CNTNAP2: variants seen among roughly 807,000 people sequenced by gnomAD.
CNTNAP2 encodes contactin associated protein 2, also known as contactin-associated protein-like 2.
CNTNAP2 carries 98 observed loss-of-function variants against 155.2 expected under a neutral mutation model. The ratio of observed to expected loss-of-function variants is 0.63; its 90% CI spans 0.54 to 0.75. The LOEUF (loss-of-function observed/expected upper bound fraction) is 0.75, where lower values mean the gene tolerates loss of function less well. Among genes scored for constraint, CNTNAP2 ranks in the 30% least tolerant of loss-of-function variants. The pLI, the probability that CNTNAP2 is intolerant of heterozygous loss-of-function variation, is 0.00. For missense variants in CNTNAP2, 1,727 were observed against 1,688.1 expected (o/e 1.02, Z -0.40); for synonymous variants, 651 against 631.2 (o/e 1.03, Z -0.47).
intron 13 of CNTNAP2, among the ~76,000 whole-genome samples, chr7:147,868,995 C>T (rs1192571549): frequency 6.6e-6 from 1 of 152,206 alleles, no homozygotes; most frequent in Non-Finnish European, 1.5e-5. Flanking sequence ...CCAATCAGTC[C>T]CAGTGCGATG....
chr7:146,398,439 T>C (rs1178017739), intron 1 of CNTNAP2, among the ~76,000 whole-genome samples: 1 of 152,052 alleles, frequency 6.6e-6, no homozygotes, highest in East Asian at 1.9e-4. Context: ...ATCATGCGAA[T>C]AGCGTGGAGG....
intron 15 of CNTNAP2, among the ~76,000 whole-genome samples, chr7:148,052,363 G>A (rs1477066922): frequency 2.2e-4 from 30 of 139,406 alleles, no homozygotes; most frequent in South Asian, 4.6e-4. Flanking sequence ...CCAGGTGATG[G>A]AAAAAAAAAA....
chr7:147,586,563 GA>G (rs1800629077), intron 12 of CNTNAP2, among the ~76,000 whole-genome samples: 1 of 43,804 alleles, frequency 2.3e-5, no homozygotes, highest in Non-Finnish European at 4.3e-5. Flanking sequence ...GGGAGGGAGG[GA>G]GGGAGGGAGG....
At chr7:146,776,795 C>A (rs1036267808) in intron 2 of CNTNAP2, among the ~76,000 whole-genome samples, 2 of 151,998 alleles carry the variant, frequency 1.3e-5, no homozygotes, top group African/African-American at 4.8e-5. Context: ...ATACAAGATA[C>A]CACTTTACAC....
chr7:147,404,046 G>A (rs1796962282), intron 10 of CNTNAP2, among the ~76,000 whole-genome samples: 1 of 151,926 alleles, frequency 6.6e-6, no homozygotes, highest in Non-Finnish European at 1.5e-5. Flanking sequence ...TCTTACTTTG[G>A]GAAATATTTT....
At chr7:147,012,315 G>T (rs1408134762) in intron 3 of CNTNAP2, among the ~76,000 whole-genome samples, 5 of 152,074 alleles carry the variant, frequency 3.3e-5, no homozygotes, top group African/African-American at 1.2e-4. Context: ...CTTGTTTGTA[G>T]AAATTACAGA....
At chr7:148,219,175 C>G (rs571336680) in intron 19 of CNTNAP2, among the ~76,000 whole-genome samples, 1 of 151,916 alleles carries the variant, frequency 6.6e-6, no homozygotes. Flanking sequence ...CTCTTGACCT[C>G]GTGATCCACC....
intron 15 of CNTNAP2, among the ~76,000 whole-genome samples, chr7:148,109,872 C>T (rs1306542650): frequency 6.6e-6 from 1 of 152,190 alleles, no homozygotes; most frequent in Non-Finnish European, 1.5e-5. Context: ...TCTGGAGCCT[C>T]AGTAAATTTA....
intron 2 of CNTNAP2, among the ~76,000 whole-genome samples, chr7:146,785,869 C>G (rs137993594): frequency 3.7e-4 from 57 of 152,314 alleles, no homozygotes; most frequent in African/African-American, 1.3e-3. Flanking sequence ...ATTTCACATA[C>G]ATGGCTTTCG....
chr7:147,860,878 A>G (rs1295870268), intron 13 of CNTNAP2, among the ~76,000 whole-genome samples: 1 of 152,202 alleles, frequency 6.6e-6, no homozygotes, highest in Non-Finnish European at 1.5e-5. Context: ...GCTATGTGTT[A>G]TCTCTCCTAT....
intron 12 of CNTNAP2, among the ~76,000 whole-genome samples, chr7:147,599,735 G>A (rs1369008316): frequency 1.3e-5 from 2 of 152,128 alleles, no homozygotes; most frequent in African/African-American, 2.4e-5. Flanking sequence ...CTCCATGTGT[G>A]TGTCCATGTT....
intron 3 of CNTNAP2, among the ~76,000 whole-genome samples, chr7:146,872,656 A>G (rs916448528): frequency 1.3e-5 from 2 of 152,216 alleles, no homozygotes; most frequent in South Asian, 4.1e-4. Context: ...GCATCAATGC[A>G]TCCCAAACAT....
At chr7:146,332,951 T>C (rs1426089929) in intron 1 of CNTNAP2, among the ~76,000 whole-genome samples, 1 of 145,148 alleles carries the variant, frequency 6.9e-6, no homozygotes, top group Non-Finnish European at 1.5e-5. Context: ...ATTTTTTTTT[T>C]TTTTTTTTTT....
Position 146,721,887 on chromosome 7 carries a change from A to ATTTTTTTTTTTTT in CNTNAP2, c.98-52383_98-52382insTTTTTTTTTTTTT, listed in dbSNP as rs1265800742. ...TGTGTGTGTGTGTGTATATATATAT[A>ATTTTTTTTTTTTT]TATTTTTTTTTTTTTTTTTGAGATG... On this transcript the variant is annotated intron_variant, in intron 1 of 23. Coordinates refer to ENST00000361727, the MANE Select transcript of CNTNAP2 (RefSeq NM_014141.6). Among the ~76,000 whole-genome samples, 2 of 81,994 alleles carry ATTTTTTTTTTTTT rather than the reference A, an allele frequency of 2.4e-5. 1 individual carries two copies. Among genetic ancestry groups the ATTTTTTTTTTTTT allele is most frequent in the African/African-American group, 4.0e-4 (2 of 4,984 alleles). The allele number at this position is 81,994 out of a possible 152,430, so 53.8% of individuals were successfully genotyped here.
chr7:146,381,723 G>T (rs981591648), intron 1 of CNTNAP2, among the ~76,000 whole-genome samples: 5 of 152,142 alleles, frequency 3.3e-5, no homozygotes, highest in Admixed American at 2.6e-4. Flanking sequence ...AAGAGCTAAA[G>T]ATAAGGGCTT....
At chr7:147,714,293 A>G (rs1325738055) in intron 13 of CNTNAP2, among the ~76,000 whole-genome samples, 3 of 152,078 alleles carry the variant, frequency 2.0e-5, no homozygotes, top group Non-Finnish European at 1.5e-5. Context: ...AAATAATCCA[A>G]AACAGGCTGA....
chr7:146,939,531 C>T (rs1483625297), intron 3 of CNTNAP2, among the ~76,000 whole-genome samples: 1 of 152,174 alleles, frequency 6.6e-6, no homozygotes, highest in Non-Finnish European at 1.5e-5. Context: ...TTTAGAAGCA[C>T]TGCAATAGCT....
chr7:147,202,995 G>A (rs1001622444), intron 8 of CNTNAP2, among the ~76,000 whole-genome samples: 2 of 150,450 alleles, frequency 1.3e-5, no homozygotes, highest in African/African-American at 4.9e-5. Context: ...GATAAAATCT[G>A]TCTACCACAG....
rs151111779 is a variant in CNTNAP2 at position 148,383,688 on chromosome 7, C to T, written c.3515C>T (p.Thr1172Ile). 5 of 1,614,060 alleles carry T rather than the reference C, an allele frequency of 3.1e-6. No individual in the cohort carries two copies. The highest frequency in any genetic ancestry group is 3.3e-5 in the Admixed American group (2 of 60,008). The change falls in exon 22 of 24, where the codon ACC (threonine) becomes ATC (isoleucine). Residue 1172 changes from threonine (T) to isoleucine (I), a missense_variant. By Grantham distance (89) the Thr-to-Ile change is moderately conservative. Coordinates refer to ENST00000361727, the MANE Select transcript of CNTNAP2 (RefSeq NM_014141.6). ...GACCAAGAGATTCACAAATACAACA[C>T]CCCAGGATTCACTGGTTGCCTCTCC... ...KIDQEIHKYN[T>I]PGFTGCLSRV...
Sources: gnomAD v4.1 joint callset for allele counts (sites outside exome capture counted in the v4.1 genomes callset) on GRCh38, gnomAD v4.1.1 for gene constraint, MANE v1.5 for transcripts, NCBI Gene and HGNC (gene_info 2026-07-23, HGNC 2026-07-21) for gene names.